The following TOGARAM1 variants were observed in gnomAD, a reference collection of about 807,000 sequenced individuals.
TOGARAM1 encodes the protein TOG array regulator of axonemal microtubules protein 1.
Under a neutral mutation model 166.6 loss-of-function variants are expected in TOGARAM1, and 100 were observed. The ratio of observed to expected loss-of-function variants is 0.60; its 90% CI spans 0.51 to 0.71. The LOEUF is 0.71. Ranked by LOEUF, TOGARAM1 falls within the 30% of genes least tolerant of loss-of-function variation. TOGARAM1 has a pLI of 0.00. For missense variants in TOGARAM1, 2,029 were observed against 2,102.7 expected, an observed-to-expected ratio of 0.96 and a Z score of 0.69; for synonymous variants, 758 against 763.8, an observed-to-expected ratio of 0.99 and a Z score of 0.13.
intron 7 of TOGARAM1, among the ~76,000 whole-genome samples, chr14:45,016,403 C>T (rs999926406): frequency 3.3e-5 from 5 of 152,054 alleles, no homozygotes; most frequent in Admixed American, 6.6e-5. Flanking sequence ...AAAAAGAAGC[C>T]GGGTGCAGTG....
intron 2 of TOGARAM1, among the ~76,000 whole-genome samples, chr14:44,998,171 A>G (rs1044238782): frequency 1.3e-5 from 2 of 152,200 alleles, no homozygotes; most frequent in Non-Finnish European, 2.9e-5. Context: ...TGTTTAATAG[A>G]GAAGGAGAAA....
At chr14:44,968,508 A>G (rs1428797813) in intron 1 of TOGARAM1, among the ~76,000 whole-genome samples, 1 of 152,164 alleles carries the variant, frequency 6.6e-6, no homozygotes, top group Admixed American at 6.5e-5. Context: ...TCGGCCTCCC[A>G]AAGTGCTGGG....
chr14:45,061,049 A>G lies in TOGARAM1; in HGVS notation c.4560-5529A>G, dbSNP rs116764368. ...GCAATTAGTACATGGTTTTTTGCCT[A>G]ATAATGATCTATTTTCTTGATTTCT... On this transcript the variant is annotated intron_variant, in intron 16 of 19. Transcript: ENST00000361462. Among the ~76,000 whole-genome samples, 648 of 152,306 alleles carry G rather than the reference A, an allele frequency of 4.3e-3. 6 individuals are homozygous for G. Among genetic ancestry groups the G allele is most frequent in the African/African-American group, 0.015 (636 of 41,568 alleles).
intron 7 of TOGARAM1, among the ~76,000 whole-genome samples, chr14:45,024,958 A>G (rs1237362707): frequency 6.6e-6 from 1 of 152,150 alleles, no homozygotes; most frequent in Non-Finnish European, 1.5e-5. Flanking sequence ...GCCTTGATAC[A>G]TTCATCTAAC....
At chr14:44,997,767 A>G (rs1445982624) in intron 2 of TOGARAM1, among the ~76,000 whole-genome samples, 1 of 151,244 alleles carries the variant, frequency 6.6e-6, no homozygotes, top group South Asian at 2.1e-4. Flanking sequence ...ACACCACTAC[A>G]CTCCAGTCTG....
At chr14:45,008,119 A>T (rs1333264026) in intron 5 of TOGARAM1, 1 of 152,206 alleles carries the variant, frequency 6.6e-6, no homozygotes, top group African/African-American at 2.4e-5. Flanking sequence ...TTAAATGATT[A>T]ATCTTATGAA....
rs1219841730 is a variant in TOGARAM1 at position 44,995,741 on chromosome 14, T to TA, written c.2047-4dup. 6.5e-7 allele frequency: 1 copy of TA among 1,545,172 alleles called. No individual in the cohort carries two copies. The highest frequency in any genetic ancestry group is 2.0e-5 in the Admixed American group (1 of 49,450). Reference sequence around the variant, plus strand: ...ATTTGCTAATTTATGATTCTGTTCTTATAGTTTTCAACATATGATTTCATC... The same window carrying TA: ...ATTTGCTAATTTATGATTCTGTTCTTAATAGTTTTCAACATATGATTTCATC... On this transcript the variant is annotated splice_polypyrimidine_tract_variant and splice_region_variant and intron_variant, in intron 1 of 19. Transcript: ENST00000361462.
intron 2 of TOGARAM1, chr14:44,996,682 GA>G (rs2138812026): frequency 6.6e-6 from 1 of 152,670 alleles, no homozygotes; most frequent in African/African-American, 2.4e-5. Flanking sequence ...GGTAATTTAT[GA>G]AGAAAAGAGG....
intron 10 of TOGARAM1, among the ~76,000 whole-genome samples, chr14:45,030,504 T>A (rs1280020681): frequency 3.9e-5 from 6 of 152,134 alleles, no homozygotes; most frequent in Admixed American, 2.0e-4. Flanking sequence ...TGCTTTTTTT[T>A]ATTTGCTATT....
intron 15 of TOGARAM1, among the ~76,000 whole-genome samples, chr14:45,054,019 C>T (rs780617064): frequency 6.6e-5 from 10 of 151,948 alleles, no homozygotes; most frequent in Non-Finnish European, 1.2e-4. Context: ...GCTAGGATTA[C>T]ACCACCATGC....
intron 12 of TOGARAM1, among the ~76,000 whole-genome samples, chr14:45,044,152 G>C (rs1044079677): frequency 6.6e-6 from 1 of 151,980 alleles, no homozygotes; most frequent in African/African-American, 2.4e-5. Flanking sequence ...TGGGATTACA[G>C]GCACACACCA....
rs374134197 is a variant in TOGARAM1, at chr14:45,064,897, C to T, written c.4560-1681C>T. Among the ~76,000 whole-genome samples the T allele has an allele frequency of 2.4e-4, 37 of 151,998 alleles. 1 individual carries two copies. Among genetic ancestry groups the T allele is most frequent in the African/African-American group, 8.4e-4 (35 of 41,472 alleles). Reference sequence around the variant, plus strand: ...GATTGAGAGGTAGGGGGTGTGAGTGCGTTTGTGTGCATTTTGGTATTTCAT... The same window carrying T: ...GATTGAGAGGTAGGGGGTGTGAGTGTGTTTGTGTGCATTTTGGTATTTCAT... On this transcript the variant is annotated intron_variant, in intron 16 of 19. Transcript: ENST00000361462.
At position 45,057,965 on chromosome 14, in the gene TOGARAM1, A is replaced by G. The variant is rs148016275; in HGVS notation, c.4559+3416A>G. ...AATGTTTGTTAAGTCCATTTGGTCTAAAGTTCAATTTAAGTTCAGTGTTTC... is the reference window on the plus strand; with the variant it reads ...AATGTTTGTTAAGTCCATTTGGTCTGAAGTTCAATTTAAGTTCAGTGTTTC... On this transcript the variant is annotated intron_variant, in intron 16 of 19. Transcript: ENST00000361462. 3.3e-3 allele frequency among the ~76,000 whole-genome samples: 508 copies of G among 152,344 alleles called. 1 individual carries two copies. The highest frequency in any genetic ancestry group is 0.012 in the African/African-American group (492 of 41,572).
chr14:45,068,099 A>G (rs553051693), intron 17 of TOGARAM1, among the ~76,000 whole-genome samples: 65 of 152,316 alleles, frequency 4.3e-4, no homozygotes, highest in African/African-American at 1.2e-3. Flanking sequence ...GCTAACCTCC[A>G]TCTTCCAGAA....
At chr14:45,033,252 CAA>C (rs1434217190) in intron 11 of TOGARAM1, among the ~76,000 whole-genome samples, 14 of 105,522 alleles carry the variant, frequency 1.3e-4, no homozygotes, top group Non-Finnish European at 1.4e-4. Flanking sequence ...AACTCTGTCT[CAA>C]AAAAAAAAAA....
intron 18 of TOGARAM1, among the ~76,000 whole-genome samples, chr14:45,070,116 A>G (rs911077538): frequency 5.9e-5 from 9 of 152,088 alleles, no homozygotes; most frequent in Non-Finnish European, 1.5e-5. Flanking sequence ...CGGGAGGTGG[A>G]GCTTGCAGTG....
intron 16 of TOGARAM1, among the ~76,000 whole-genome samples, chr14:45,063,627 G>C (rs1004818708): frequency 6.6e-6 from 1 of 151,780 alleles, no homozygotes; most frequent in East Asian, 1.9e-4. Flanking sequence ...CTATAGGCGC[G>C]TGCCACCATG....
chr14:44,969,398 C>A (rs769468354), intron 1 of TOGARAM1, among the ~76,000 whole-genome samples: 49 of 152,056 alleles, frequency 3.2e-4, no homozygotes, highest in Non-Finnish European at 5.9e-4. Flanking sequence ...AGCGATTGCC[C>A]ACCTTGGCCT....
intron 5 of TOGARAM1, 118 bp downstream of exon 5, chr14:45,006,385 T>A: frequency 1.4e-6 from 1 of 732,118 alleles, no homozygotes; most frequent in Non-Finnish European, 2.1e-6. Context: ...TAAAAATATG[T>A]TCATTATAGA....
Sources: allele counts gnomAD v4.1 joint callset (sites outside exome capture counted in the v4.1 genomes callset), GRCh38; gene constraint gnomAD v4.1.1; transcripts MANE v1.5; gene names NCBI Gene and HGNC (gene_info 2026-07-23, HGNC 2026-07-21).